DCAF8L2: variants seen among roughly 807,000 people sequenced by gnomAD.
The protein encoded by DCAF8L2 is DDB1- and CUL4-associated factor 8-like protein 2.
For missense variants in DCAF8L2, 430 were observed against 490.7 expected, an observed-to-expected ratio of 0.88 and a Z score of 1.17; for synonymous variants, 200 against 190.9, an observed-to-expected ratio of 1.05 and a Z score of -0.39.
At chrX:27,520,881 G>A in the DCAF8L2 span, among the ~76,000 whole-genome samples, 1 of 111,706 alleles carries the variant, frequency 9.0e-6, no homozygotes, top group Non-Finnish European at 1.9e-5. Context: ...GTCAGATTTT[G>A]TTCTCAAAAT....
At chrX:27,703,109 A>G (rs1385411466) in intron 3 of DCAF8L2, among the ~76,000 whole-genome samples, 1 of 111,778 alleles carries the variant, frequency 8.9e-6, no homozygotes, top group Non-Finnish European at 1.9e-5. Flanking sequence ...AATCAAAATC[A>G]TATAATTCTT....
the DCAF8L2 span, among the ~76,000 whole-genome samples, chrX:27,524,066 C>G: frequency 1.8e-5 from 2 of 111,844 alleles, no homozygotes; most frequent in Non-Finnish European, 3.8e-5. Context: ...GGAGGATTCC[C>G]TCTTTTTCTA....
the DCAF8L2 span, among the ~76,000 whole-genome samples, chrX:27,557,559 A>G: frequency 1.8e-5 from 2 of 111,706 alleles, no homozygotes; most frequent in African/African-American, 6.5e-5. Context: ...CAAGATGCTT[A>G]TTAGTGAAGA....
intron 2 of DCAF8L2, among the ~76,000 whole-genome samples, chrX:27,651,846 T>C (rs1379646049): frequency 9.0e-6 from 1 of 110,764 alleles, no homozygotes; most frequent in African/African-American, 3.3e-5. Context: ...GATCTTCTAG[T>C]ATAACTTGCT....
At chrX:27,515,950 T>C in the DCAF8L2 span, among the ~76,000 whole-genome samples, 3 of 112,396 alleles carry the variant, frequency 2.7e-5, no homozygotes, top group African/African-American at 6.5e-5. Flanking sequence ...TCAAAAAATA[T>C]ATTAAATGCA....
intron 2 of DCAF8L2, among the ~76,000 whole-genome samples, chrX:27,656,293 G>A (rs928004866): frequency 2.7e-5 from 3 of 111,882 alleles, no homozygotes; most frequent in Non-Finnish European, 3.8e-5. Flanking sequence ...AGCGGTATCC[G>A]AAAACAAACG....
chrX:27,605,377 T>G (rs1926824086), intron 1 of DCAF8L2, among the ~76,000 whole-genome samples: 1 of 111,634 alleles, frequency 9.0e-6, no homozygotes, highest in Admixed American at 9.6e-5. Context: ...GAAGAAACTT[T>G]TGTGAATGTC....
chrX:27,648,858 T>C (rs192621042), intron 2 of DCAF8L2, among the ~76,000 whole-genome samples: 64 of 111,780 alleles, frequency 5.7e-4, no homozygotes, highest in African/African-American at 1.8e-3. Context: ...TATTATTTCA[T>C]ACATCTTTGT....
intron 4 of DCAF8L2, among the ~76,000 whole-genome samples, chrX:27,721,188 C>G (rs1931890008): frequency 9.0e-6 from 1 of 111,422 alleles, no homozygotes; most frequent in Non-Finnish European, 1.9e-5. Context: ...TCCATTCATT[C>G]CATTTATCCT....
At chrX:27,710,854 T>G (rs1297863823) in intron 3 of DCAF8L2, among the ~76,000 whole-genome samples, 2 of 112,194 alleles carry the variant, frequency 1.8e-5, no homozygotes, top group Non-Finnish European at 3.8e-5. Flanking sequence ...CACCATTAAG[T>G]ATGATGTTAG....
intron 1 of DCAF8L2, among the ~76,000 whole-genome samples, chrX:27,604,147 T>C (rs1926771879): frequency 9.0e-6 from 1 of 111,224 alleles, no homozygotes; most frequent in Non-Finnish European, 1.9e-5. Flanking sequence ...CAGGTTTTTT[T>C]CTCCCTTCAG....
chrX:27,489,822 T>A, the DCAF8L2 span, among the ~76,000 whole-genome samples: 1 of 112,550 alleles, frequency 8.9e-6, no homozygotes, highest in Non-Finnish European at 1.9e-5. Flanking sequence ...TTGTGTTTTT[T>A]ATTATAGTAG....
At chrX:27,605,043 A>G (rs1026753747) in intron 1 of DCAF8L2, among the ~76,000 whole-genome samples, 11 of 111,760 alleles carry the variant, frequency 9.8e-5, no homozygotes, top group Non-Finnish European at 1.7e-4. Context: ...GAAATTTTAG[A>G]GTAGAGATAC....
At chrX:27,628,193 C>T (rs1928124464) in intron 1 of DCAF8L2, among the ~76,000 whole-genome samples, 1 of 111,354 alleles carries the variant, frequency 9.0e-6, no homozygotes, top group South Asian at 3.8e-4. Flanking sequence ...AGTATTTGTC[C>T]TATGGCTGGC....
intron 2 of DCAF8L2, among the ~76,000 whole-genome samples, chrX:27,674,282 T>C (rs1681740399): frequency 8.9e-6 from 1 of 111,828 alleles, no homozygotes; most frequent in African/African-American, 3.2e-5. Flanking sequence ...ACTTATTACA[T>C]TTCCAAAATA....
chrX:27,639,331 G>A (rs1928615421), intron 2 of DCAF8L2, among the ~76,000 whole-genome samples: 1 of 111,676 alleles, frequency 9.0e-6, no homozygotes, highest in African/African-American at 3.3e-5. Flanking sequence ...GATTGTTAAT[G>A]GGTCCAAAAA....
At chrX:27,687,724 C>T (rs1930562966) in intron 3 of DCAF8L2, among the ~76,000 whole-genome samples, 1 of 111,216 alleles carries the variant, frequency 9.0e-6, no homozygotes, top group South Asian at 3.7e-4. Flanking sequence ...CCTGGTCGTG[C>T]ATGTGTGTAG....
intron 1 of DCAF8L2, among the ~76,000 whole-genome samples, chrX:27,599,029 G>T (rs979552012): frequency 9.5e-6 from 1 of 105,760 alleles, no homozygotes; most frequent in Admixed American, 1.0e-4. Flanking sequence ...TTATCCAAAA[G>T]AATTGAGGTT....
At chrX:27,472,237 A>G in the DCAF8L2 span, among the ~76,000 whole-genome samples, 2 of 111,718 alleles carry the variant, frequency 1.8e-5, no homozygotes, top group Admixed American at 9.6e-5. Context: ...TTGGACAGGC[A>G]ATATATGTCT....
Sources: gnomAD v4.1 joint callset for allele counts (sites outside exome capture counted in the v4.1 genomes callset) on GRCh38, gnomAD v4.1.1 for gene constraint, MANE v1.5 for transcripts, NCBI Gene and HGNC (gene_info 2026-07-23, HGNC 2026-07-21) for gene names.